CDH18: variants seen among roughly 807,000 people sequenced by gnomAD.
CDH18 encodes cadherin-18.
Under a neutral mutation model 67.9 loss-of-function variants are expected in CDH18, and 31 were observed. The ratio of observed to expected loss-of-function variants is 0.46; its 90% CI spans 0.34 to 0.62. The LOEUF (loss-of-function observed/expected upper bound fraction) is 0.62, where lower values mean the gene tolerates loss of function less well. CDH18 is among the 20% of genes least tolerant of loss of function. CDH18 has a pLI of 0.01. For synonymous variants in CDH18, 362 were observed against 347.2 expected (o/e 1.04, Z -0.48); for missense variants, 890 against 975.5 (o/e 0.91, Z 1.17).
chr5:20,071,704 G>A (rs1743494723), intron 2 of CDH18, among the ~76,000 whole-genome samples: 1 of 151,990 alleles, frequency 6.6e-6, no homozygotes, highest in Non-Finnish European at 1.5e-5. Context: ...CTTTATTCTT[G>A]TAATATTTGT....
At chr5:19,611,860 T>G (rs1204608333) in intron 6 of CDH18, among the ~76,000 whole-genome samples, 1 of 151,968 alleles carries the variant, frequency 6.6e-6, no homozygotes, top group Non-Finnish European at 1.5e-5. Context: ...CAAAATTGCC[T>G]ACTGAATTAT....
intron 2 of CDH18, among the ~76,000 whole-genome samples, chr5:20,026,949 C>A (rs539710042): frequency 5.4e-5 from 8 of 149,524 alleles, no homozygotes; most frequent in African/African-American, 2.0e-4. Flanking sequence ...AGCGTGACTC[C>A]GTTTCAAACA....
chr5:19,553,346 T>G (rs778405185), intron 8 of CDH18, among the ~76,000 whole-genome samples: 3 of 152,022 alleles, frequency 2.0e-5, no homozygotes, highest in African/African-American at 4.8e-5. Context: ...AGTGACCTAC[T>G]TAGAGAAATA....
chr5:20,162,623 T>C (rs1471540741), intron 2 of CDH18, among the ~76,000 whole-genome samples: 2 of 150,982 alleles, frequency 1.3e-5, no homozygotes, highest in Non-Finnish European at 2.9e-5. Context: ...AAGGGAAGCA[T>C]TCCTACAAAC....
intron 5 of CDH18, among the ~76,000 whole-genome samples, chr5:19,667,820 A>G (rs920204955): frequency 6.6e-6 from 1 of 151,844 alleles, no homozygotes; most frequent in African/African-American, 2.4e-5. Flanking sequence ...CTGATATACC[A>G]ATGAAGTATC....
chr5:20,415,049 A>T (rs1029795838), intron 1 of CDH18, among the ~76,000 whole-genome samples: 4 of 152,220 alleles, frequency 2.6e-5, no homozygotes, highest in Non-Finnish European at 4.4e-5. Context: ...TTGCAGCAGT[A>T]TGCATAGCAG....
At chr5:19,826,816 T>G (rs1413440354) in intron 3 of CDH18, among the ~76,000 whole-genome samples, 1 of 151,640 alleles carries the variant, frequency 6.6e-6, no homozygotes, top group African/African-American at 2.4e-5. Flanking sequence ...ATAAAGCAAC[T>G]ACACAATCAA....
At chr5:19,708,389 G>C (rs1476341655) in intron 5 of CDH18, among the ~76,000 whole-genome samples, 1 of 152,106 alleles carries the variant, frequency 6.6e-6, no homozygotes, top group Non-Finnish European at 1.5e-5. Context: ...TGTGGATCGT[G>C]ATTCCTGTGA....
intron 2 of CDH18, among the ~76,000 whole-genome samples, chr5:19,868,132 G>T (rs1334294029): frequency 6.6e-6 from 1 of 152,188 alleles, no homozygotes; most frequent in East Asian, 1.9e-4. Flanking sequence ...ACACCAGGGT[G>T]AGAATGGACT....
chr5:19,810,594 T>C (rs1778532484), intron 3 of CDH18, among the ~76,000 whole-genome samples: 1 of 151,938 alleles, frequency 6.6e-6, no homozygotes, highest in Non-Finnish European at 1.5e-5. Flanking sequence ...TATATTTGAT[T>C]AAGTAAATAT....
At chr5:19,555,684 T>A (rs1738275603) in intron 8 of CDH18, among the ~76,000 whole-genome samples, 1 of 152,214 alleles carries the variant, frequency 6.6e-6, no homozygotes, top group Admixed American at 6.5e-5. Context: ...TTTCTGTACC[T>A]ACCCTGGTAG....
chr5:19,602,080 T>C (rs1218798012), intron 6 of CDH18, among the ~76,000 whole-genome samples: 1 of 152,074 alleles, frequency 6.6e-6, no homozygotes, highest in South Asian at 2.1e-4. Context: ...TTCAACATAA[T>C]ACTGGAAATC....
intron 2 of CDH18, among the ~76,000 whole-genome samples, chr5:20,078,354 T>C (rs532918299): frequency 6.6e-6 from 1 of 152,012 alleles, no homozygotes; most frequent in African/African-American, 2.4e-5. Context: ...TCCCAGCTAC[T>C]TGGGAGGCTT....
intron 1 of CDH18, among the ~76,000 whole-genome samples, chr5:20,496,890 A>C (rs1300886773): frequency 6.6e-6 from 1 of 152,092 alleles, no homozygotes; most frequent in Non-Finnish European, 1.5e-5. Flanking sequence ...GAGATGTTAG[A>C]AGTTGACAAA....
In CDH18 at chr5:19,879,373, C is replaced by T. The variant is rs555615038; in HGVS notation, c.-256-40131G>A. ...GGAGCACATATTAATACATTAAATA[C>T]TGACTTTACAACAATTCCCATATTT... On this transcript the variant is annotated intron_variant, in intron 2 of 12. Transcript: ENST00000382275. Among the ~76,000 whole-genome samples the T allele has an allele frequency of 7.2e-3, 1,096 of 151,888 alleles. 3 individuals carry two copies. Among genetic ancestry groups the T allele is most frequent in the Non-Finnish European group, 0.011 (752 of 67,862 alleles).
chr5:19,846,928 T>C (rs1312652631), intron 2 of CDH18, among the ~76,000 whole-genome samples: 1 of 40,000 alleles, frequency 2.5e-5, no homozygotes, highest in African/African-American at 7.0e-5. Flanking sequence ...TTCTTTTTCT[T>C]TTACCTTTAG....
intron 2 of CDH18, among the ~76,000 whole-genome samples, chr5:20,157,928 A>C (rs1330452981): frequency 3.3e-5 from 5 of 151,936 alleles, no homozygotes; most frequent in African/African-American, 1.2e-4. Context: ...GCATGTGCCA[A>C]CCCAATTCTT....
intron 2 of CDH18, among the ~76,000 whole-genome samples, chr5:20,203,267 ATC>A (rs1739592700): frequency 6.6e-6 from 1 of 152,138 alleles, no homozygotes; most frequent in African/African-American, 2.4e-5. Context: ...GGATAAATAT[ATC>A]TGAGCACAAC....
At position 19,908,661 on chromosome 5, in the gene CDH18, C is replaced by T. The variant is rs763272509; in HGVS notation, c.-256-69419G>A. ...TTATACAGTATATTATCCGTGCATA[C>T]AAAATATGTTGAAAACAAGTTATCT... On this transcript the variant is annotated intron_variant, in intron 2 of 12. Coordinates refer to ENST00000382275, the MANE Select transcript of CDH18 (RefSeq NM_004934.5). Among the ~76,000 whole-genome samples the T allele has an allele frequency of 2.0e-5, 3 of 152,162 alleles. No individual in the cohort carries two copies. The South Asian group carries it at 6.2e-4, about 32-fold the overall frequency.
Sources: allele counts gnomAD v4.1 joint callset (sites outside exome capture counted in the v4.1 genomes callset), GRCh38; gene constraint gnomAD v4.1.1; transcripts MANE v1.5; gene names NCBI Gene and HGNC (gene_info 2026-07-23, HGNC 2026-07-21).